SMC1A: variants seen among roughly 807,000 people sequenced by gnomAD.
SMC1A encodes structural maintenance of chromosomes 1A.
In SMC1A, 4 loss-of-function variants were observed where a neutral mutation model predicts 94.5. The ratio of observed to expected loss-of-function variants is 0.04; its 90% confidence interval spans 0.02 to 0.10. SMC1A has a LOEUF of 0.10. SMC1A is among the 10% of genes least tolerant of loss of function. The pLI is 1.00. For synonymous variants in SMC1A, 345 were observed against 347.7 expected (o/e 0.99, Z 0.09); for missense variants, 304 against 989.0 (o/e 0.31, Z 9.29).
rs2075701634 is a variant in SMC1A at position 53,409,080 on chromosome X, G to A, written c.1527C>T (p.Arg509=). 6 of 1,211,165 alleles carry A rather than the reference G, an allele frequency of 5.0e-6. No individual in the cohort carries two copies. The East Asian group carries it at 1.5e-4, about 30-fold the overall frequency. The change falls in exon 9 of 25, where the codon CGC becomes CGT. Residue 509 remains arginine, a synonymous_variant. Transcript: ENST00000322213. ...CTCTTACCACAGAGCCAGGGTAAAG[G>A]CGCTTGATGCTTTCCATTATCTCTG... ...RKAEIMESIK[R]LYPGSVYGRL...
Position 53,415,078 on chromosome X carries a change from T to G in SMC1A, c.201A>C (p.Gly67=). ...RVKTLRDLIH[G]APVGKPAANR... ...TGGCAGCTGGCTTGCCCACAGGAGCTCCATGGATCAGGTCCCGCAGGGTCT... is the reference window on the plus strand; with the variant it reads ...TGGCAGCTGGCTTGCCCACAGGAGCGCCATGGATCAGGTCCCGCAGGGTCT... Residue 67 remains glycine (G), a synonymous_variant, in exon 2 of 25, where the codon GGA becomes GGC. Transcript: ENST00000322213. 8.3e-7 allele frequency: 1 copy of G among 1,211,198 alleles called. No homozygotes were observed. Among genetic ancestry groups the G allele is most frequent in the South Asian group, 1.8e-5 (1 of 56,952 alleles).
chrX:53,408,840 T>TAAAA (rs1295569888), intron 9 of SMC1A, among the ~76,000 whole-genome samples: 15 of 67,014 alleles, frequency 2.2e-4, no homozygotes, highest in Non-Finnish European at 2.5e-4. Context: ...GGTTGAAAAA[T>TAAAA]AAAAAAAAAA....
At chrX:53,390,466 CCA>C (rs1387191794) in intron 19 of SMC1A, among the ~76,000 whole-genome samples, 2 of 107,356 alleles carry the variant, frequency 1.9e-5, no homozygotes, top group Non-Finnish European at 3.9e-5. Context: ...CCAGCCCAGG[CCA>C]CAGTGTGAGA....
At chrX:53,419,125 C>T (rs2075744244) in intron 1 of SMC1A, among the ~76,000 whole-genome samples, 1 of 107,522 alleles carries the variant, frequency 9.3e-6, no homozygotes. Context: ...TATCTCAAGA[C>T]TGTCCCTAAA....
intron 19 of SMC1A, among the ~76,000 whole-genome samples, chrX:53,390,996 AAG>A (rs2075626837): frequency 2.0e-5 from 2 of 98,040 alleles, no homozygotes; most frequent in Admixed American, 1.2e-4. Context: ...AAAAAAAAAA[AAG>A]AAAAAGAAAA....
chrX:53,422,644 G>T lies in SMC1A; in HGVS notation c.-44C>A. The stretch of plus-strand genomic sequence containing the variant: ...GGCAGTAGGACAGGCCGCGCCGTAC[G>T]CCCGAGAACTGAGGTAGCCCGCGCG... On this transcript the variant is annotated 5_prime_UTR_variant, in exon 1 of 25. Transcript: ENST00000322213. 1.1e-6 allele frequency: 1 copy of T among 897,246 alleles called. No individual in the cohort carries two copies. Among genetic ancestry groups the T allele is most frequent in the Non-Finnish European group, 1.6e-6 (1 of 612,039 alleles). The allele number at this position is 897,246 out of a possible 1,213,427, so 73.9% of individuals were successfully genotyped here. A position where few individuals can be genotyped will look rare whatever the true frequency, so the allele number is the denominator to read the frequency against.
In SMC1A at chrX:53,403,641, C is replaced by T. The variant is rs782733394; in HGVS notation, c.2345G>A (p.Arg782Gln). ...CCGGATGTTGCGCACACCAATCTCC[C>T]GACAAAACTCTTCAAACACCTCATC... ...VEDEVFEEFC[R>Q]EIGVRNIREF... The change falls in exon 15 of 25, where the codon CGG becomes CAG. Residue 782 changes from arginine to glutamine, a missense_variant. Transcript: ENST00000322213. 12 of 1,208,237 alleles carry T rather than the reference C, an allele frequency of 9.9e-6. No homozygotes were observed. Among genetic ancestry groups the T allele is most frequent in the East Asian group, 3.0e-5 (1 of 33,726 alleles).
At chrX:53,396,183 AATG>A in intron 18 of SMC1A, 41 bp downstream of exon 18, 1 of 1,185,132 alleles carries the variant, frequency 8.4e-7, no homozygotes, top group East Asian at 3.0e-5. Flanking sequence ...ATCCCTGGTT[AATG>A]ATGTTCATCG....
At chrX:53,389,925 C>T (rs1405123099) in intron 19 of SMC1A, among the ~76,000 whole-genome samples, 4 of 93,638 alleles carry the variant, frequency 4.3e-5, no homozygotes, top group Admixed American at 1.2e-4. Flanking sequence ...TCTTGGCTCA[C>T]GGCAACCTCT....
rs1556890852 is a variant in SMC1A at position 53,413,450 on chromosome X, AAC to A, written c.412-17_412-16del. 17 of 1,196,998 alleles carry A rather than the reference AAC, an allele frequency of 1.4e-5. No individual in the cohort carries two copies. Among genetic ancestry groups the A allele is most frequent in the Non-Finnish European group, 1.9e-5 (17 of 884,007 alleles). ...TCCACAGCACCCTAGTAAAGGTCGA[AAC>A]ACTCTTCCACTTCAGACCCCAGCCA... On this transcript the variant is annotated splice_polypyrimidine_tract_variant and intron_variant, in intron 3 of 24. Transcript: ENST00000322213.
intron 9 of SMC1A, 61 bp downstream of exon 9, chrX:53,409,001 G>A: frequency 1.8e-6 from 2 of 1,089,038 alleles, no homozygotes; most frequent in Non-Finnish European, 2.5e-6. Context: ...CAGGGCTGCT[G>A]GGAAAATCGT....
chrX:53,394,729 A>ACCCCC, intron 19 of SMC1A, 49 bp downstream of exon 19: 1 of 575,997 alleles, frequency 1.7e-6, no homozygotes, highest in Non-Finnish European at 2.9e-6. Flanking sequence ...AGATAGTCCC[A>ACCCCC]CTCCCACCCA....
intron 22 of SMC1A, 63 bp downstream of exon 22, chrX:53,382,169 C>A: frequency 8.7e-7 from 1 of 1,154,172 alleles, no homozygotes; most frequent in East Asian, 3.0e-5. Context: ...ATCCTTGGGC[C>A]CCAGAGCCTC....
intron 3 of SMC1A, 132 bp from the exon 4 acceptor site, chrX:53,413,567 G>A: frequency 1.7e-6 from 1 of 591,037 alleles, no homozygotes. Context: ...TTTCACACTG[G>A]GCTTTGAGGA....
chrX:53,376,446 G>C lies in SMC1A; in HGVS notation c.*3657C>G, dbSNP rs1556885258. 1 of 111,718 alleles carries C rather than the reference G, an allele frequency of 9.0e-6. No individual in the cohort carries two copies. Among genetic ancestry groups the C allele is most frequent in the East Asian group, 2.8e-4 (1 of 3,566 alleles). 9.2% of individuals were successfully genotyped at this position (111,718 alleles called of 1,213,427 possible). On this transcript the variant is annotated 3_prime_UTR_variant, in exon 25 of 25. Transcript: ENST00000322213. ...ATGCCGTACCTGTTTGTGGTATACA[G>C]CCAGTTTGGGAACCACACTGTCCTA...
At chrX:53,402,885 A>AAAAAAAAAAG (rs1447321369) in intron 15 of SMC1A, among the ~76,000 whole-genome samples, 2 of 86,961 alleles carry the variant, frequency 2.3e-5, no homozygotes, top group African/African-American at 4.5e-5. Context: ...AAAAAAAAAA[A>AAAAAAAAAAG]GGGCCGGCAA....
intron 15 of SMC1A, among the ~76,000 whole-genome samples, chrX:53,400,267 C>T (rs1361320391): frequency 4.5e-5 from 5 of 111,265 alleles, no homozygotes; most frequent in East Asian, 5.6e-4. Flanking sequence ...CACCAAAACC[C>T]GGGCTCTTTC....
intron 15 of SMC1A, among the ~76,000 whole-genome samples, chrX:53,400,454 G>A (rs1447787489): frequency 9.0e-6 from 1 of 111,628 alleles, no homozygotes; most frequent in African/African-American, 3.3e-5. Context: ...ATTTTTAAAT[G>A]AGTTAATATG....
At chrX:53,411,544 C>T (rs2075712773) in intron 7 of SMC1A, among the ~76,000 whole-genome samples, 1 of 110,727 alleles carries the variant, frequency 9.0e-6, no homozygotes, top group African/African-American at 3.3e-5. Context: ...GAGCTGAGAT[C>T]ACATCACTGC....
Sources: allele counts gnomAD v4.1 joint callset (sites outside exome capture counted in the v4.1 genomes callset), GRCh38; gene constraint gnomAD v4.1.1; transcripts MANE v1.5; gene names NCBI Gene and HGNC (gene_info 2026-07-23, HGNC 2026-07-21).